KPNA6: variants seen among roughly 807,000 people sequenced by gnomAD.
KPNA6 encodes the protein karyopherin subunit alpha 6.
A neutral mutation model predicts 72.0 loss-of-function variants in KPNA6; 9 were observed. The ratio of observed to expected loss-of-function variants is 0.13; its 90% CI spans 0.08 to 0.22. KPNA6 has a LOEUF of 0.22. KPNA6 is among the 10% of genes least tolerant of loss of function. KPNA6 has a pLI of 1.00. For missense variants in KPNA6, 374 were observed against 655.7 expected, an observed-to-expected ratio of 0.57 and a Z score of 4.69; for synonymous variants, 219 against 242.1, an observed-to-expected ratio of 0.90 and a Z score of 0.89.
At position 32,175,580 on chromosome 1, in the gene KPNA6, T is replaced by G. The variant is rs1346789537; in HGVS notation, c.*4686T>G. 1 of 151,084 alleles carries G rather than the reference T, an allele frequency of 6.6e-6. No homozygotes were observed. The highest frequency in any genetic ancestry group is 2.4e-5 in the African/African-American group (1 of 40,992). The allele number at this position is 151,084 out of a possible 1,614,324, so 9.4% of individuals were successfully genotyped here. A position where few individuals can be genotyped will look rare whatever the true frequency, so the allele number is the denominator to read the frequency against. On this transcript the variant is annotated 3_prime_UTR_variant, in exon 14 of 14. Coordinates refer to ENST00000373625, the MANE Select transcript of KPNA6 (RefSeq NM_012316.5). ...CGGGTGGATCACGAGGTCAGGAGTT[T>G]GAGACCAGCCTGGCAACATAGTGAA... is the stretch of plus-strand genomic sequence containing the variant.
At chr1:32,126,990 A>G (rs889182708) in intron 1 of KPNA6, among the ~76,000 whole-genome samples, 2 of 152,194 alleles carry the variant, frequency 1.3e-5, no homozygotes, top group African/African-American at 4.8e-5. Flanking sequence ...GCCTTTCACT[A>G]CAGGAGGTGA....
chr1:32,118,090 TTG>T (rs1425813817), intron 1 of KPNA6, among the ~76,000 whole-genome samples: 1 of 151,962 alleles, frequency 6.6e-6, no homozygotes, highest in Non-Finnish European at 1.5e-5. Flanking sequence ...GCCCAGCTAA[TTG>T]TTTGTATTTT....
At chr1:32,137,203 G>A (rs1031258613) in intron 1 of KPNA6, among the ~76,000 whole-genome samples, 48 of 152,154 alleles carry the variant, frequency 3.2e-4, no homozygotes, top group African/African-American at 1.0e-3. Context: ...TTGAGAAAGG[G>A]TCTTGCTCTG....
At chr1:32,159,059 TG>T (rs1642193190) in intron 5 of KPNA6, among the ~76,000 whole-genome samples, 1 of 152,122 alleles carries the variant, frequency 6.6e-6, no homozygotes, top group Non-Finnish European at 1.5e-5. Flanking sequence ...ATTTCAGAAA[TG>T]AAGAAAGTGA....
chr1:32,121,341 T>A (rs1641430217), intron 1 of KPNA6, among the ~76,000 whole-genome samples: 1 of 152,228 alleles, frequency 6.6e-6, no homozygotes, highest in African/African-American at 2.4e-5. Flanking sequence ...GCATGACTCC[T>A]ATGCCTGTTG....
chr1:32,114,163 G>A (rs1359190069), intron 1 of KPNA6, among the ~76,000 whole-genome samples: 2 of 152,022 alleles, frequency 1.3e-5, no homozygotes, highest in African/African-American at 4.8e-5. Context: ...ACATTAGGCC[G>A]GCGCAATGGC....
intron 1 of KPNA6, among the ~76,000 whole-genome samples, chr1:32,118,997 C>CACATATATAT (rs1317948681): frequency 1.0e-4 from 6 of 59,822 alleles, no homozygotes; most frequent in African/African-American, 1.3e-4. Flanking sequence ...TGTGTGTATA[C>CACATATATAT]ATATATATAT....
chr1:32,132,966 CTCCGGTGA>C (rs1426262977), intron 1 of KPNA6, among the ~76,000 whole-genome samples: 1 of 152,068 alleles, frequency 6.6e-6, no homozygotes, highest in Non-Finnish European at 1.5e-5. Context: ...AACTCCTGGG[CTCCGGTGA>C]TCCACCTGCC....
chr1:32,153,562 ACT>A (rs1260118341), intron 1 of KPNA6, among the ~76,000 whole-genome samples: 2 of 141,654 alleles, frequency 1.4e-5, no homozygotes, highest in African/African-American at 2.7e-5. Context: ...CAAAAGTGAA[ACT>A]CTGTCTCAAA....
At chr1:32,149,026 C>T (rs962405870) in intron 1 of KPNA6, among the ~76,000 whole-genome samples, 1 of 152,076 alleles carries the variant, frequency 6.6e-6, no homozygotes, top group African/African-American at 2.4e-5. Context: ...CATGGGTCCA[C>T]TCGATTCTGT....
chr1:32,143,442 G>A (rs1357211812), intron 1 of KPNA6, among the ~76,000 whole-genome samples: 4 of 151,802 alleles, frequency 2.6e-5, no homozygotes, highest in East Asian at 3.9e-4. Flanking sequence ...AAAATTAGCC[G>A]GGCATGGTGG....
At chr1:32,165,841 T>C (rs1642322404) in intron 10 of KPNA6, among the ~76,000 whole-genome samples, 1 of 151,656 alleles carries the variant, frequency 6.6e-6, no homozygotes, top group Non-Finnish European at 1.5e-5. Context: ...CTACTAAAAA[T>C]AGAAAAATTT....
intron 1 of KPNA6, among the ~76,000 whole-genome samples, chr1:32,139,929 A>G (rs538441189): frequency 3.6e-4 from 55 of 152,296 alleles, no homozygotes; most frequent in African/African-American, 1.3e-3. Flanking sequence ...GAAATTTTCC[A>G]TGATAAAATG....
At position 32,108,149 on chromosome 1, in the gene KPNA6, C is replaced by T; in HGVS notation, c.4+15C>T. ...ACCCGCGATGGGTGAGTGAGGAAAC[C>T]ACGCAGTAGGGTTCTTGGGCTCAGG... On this transcript the variant is annotated intron_variant, in intron 1 of 13. Transcript: ENST00000373625. The T allele has an allele frequency of 6.2e-7, 1 of 1,614,026 alleles. No homozygotes were observed. Among genetic ancestry groups the T allele is most frequent in the Non-Finnish European group, 8.5e-7 (1 of 1,179,950 alleles).
intron 1 of KPNA6, among the ~76,000 whole-genome samples, chr1:32,145,409 C>T (rs1641913522): frequency 1.3e-5 from 2 of 151,852 alleles, no homozygotes; most frequent in South Asian, 4.2e-4. Flanking sequence ...ACTGCAACCT[C>T]TGCCTCTTAG....
chr1:32,113,027 C>T (rs747051297), intron 1 of KPNA6, among the ~76,000 whole-genome samples: 6 of 152,088 alleles, frequency 3.9e-5, no homozygotes, highest in African/African-American at 1.2e-4. Context: ...TTTCTCTCTG[C>T]CATAGACCTT....
intron 1 of KPNA6, among the ~76,000 whole-genome samples, chr1:32,139,859 T>C (rs1001705757): frequency 1.3e-5 from 2 of 152,218 alleles, no homozygotes; most frequent in Non-Finnish European, 2.9e-5. Flanking sequence ...TCATTGAATC[T>C]GGATGGTTAG....
intron 1 of KPNA6, among the ~76,000 whole-genome samples, chr1:32,121,874 G>A (rs1235777341): frequency 6.6e-6 from 1 of 151,934 alleles, no homozygotes; most frequent in Non-Finnish European, 1.5e-5. Flanking sequence ...TCAGGAGGCT[G>A]AGGCAGGAGA....
intron 10 of KPNA6, among the ~76,000 whole-genome samples, chr1:32,165,867 A>G (rs1642324389): frequency 6.6e-6 from 1 of 151,722 alleles, no homozygotes; most frequent in South Asian, 2.1e-4. Flanking sequence ...GCGTGGTGGT[A>G]GGCGTCTGTA....
Sources: gnomAD v4.1 joint callset for allele counts (sites outside exome capture counted in the v4.1 genomes callset) on GRCh38, gnomAD v4.1.1 for gene constraint, MANE v1.5 for transcripts, NCBI Gene and HGNC (gene_info 2026-07-23, HGNC 2026-07-21) for gene names.